Variants in SORCS1 observed in about 807,000 individuals in gnomAD.
SORCS1 encodes VPS10 domain-containing receptor SorCS1.
A neutral mutation model predicts 146.1 loss-of-function variants in SORCS1; 60 were observed. The ratio of observed to expected loss-of-function variants is 0.41; its 90% confidence interval spans 0.33 to 0.51. The LOEUF (loss-of-function observed/expected upper bound fraction) is 0.51. SORCS1 is among the 20% of genes least tolerant of loss of function. SORCS1 has a pLI of 0.21. For missense variants in SORCS1, 1,352 were observed against 1,487.6 expected (o/e 0.91, Z 1.50); for synonymous variants, 637 against 584.0 (o/e 1.09, Z -1.31).
intron 3 of SORCS1, among the ~76,000 whole-genome samples, chr10:106,784,376 CAGAG>C (rs1202521223): frequency 7.2e-6 from 1 of 138,364 alleles, no homozygotes; most frequent in Non-Finnish European, 1.5e-5. Flanking sequence ...GCCTGGGCGA[CAGAG>C]GGAGACTCCG....
chr10:107,138,756 T>G (rs888313620), intron 1 of SORCS1, among the ~76,000 whole-genome samples: 1 of 152,112 alleles, frequency 6.6e-6, no homozygotes, highest in Non-Finnish European at 1.5e-5. Context: ...CCAAATAACA[T>G]ATTTTGAGGA....
At chr10:106,751,638 T>C (rs1858248094) in intron 5 of SORCS1, among the ~76,000 whole-genome samples, 1 of 152,142 alleles carries the variant, frequency 6.6e-6, no homozygotes, top group Non-Finnish European at 1.5e-5. Context: ...ATCTAAAATT[T>C]TCATTCCTTC....
intron 2 of SORCS1, among the ~76,000 whole-genome samples, chr10:106,861,593 T>C (rs1054300900): frequency 6.6e-6 from 1 of 151,784 alleles, no homozygotes; most frequent in Non-Finnish European, 1.5e-5. Flanking sequence ...TTTAAAATGG[T>C]TCAAATACCC....
chr10:106,851,946 T>C (rs1949593664), intron 2 of SORCS1, among the ~76,000 whole-genome samples: 1 of 152,218 alleles, frequency 6.6e-6, no homozygotes, highest in Non-Finnish European at 1.5e-5. Context: ...TATTTTCTTT[T>C]TTGGTATGCT....
chr10:107,023,164 T>C (rs539569261), intron 1 of SORCS1, among the ~76,000 whole-genome samples: 1 of 152,330 alleles, frequency 6.6e-6, no homozygotes, highest in South Asian at 2.1e-4. Context: ...ATGTATGTAA[T>C]TCTAGCCATC....
intron 6 of SORCS1, among the ~76,000 whole-genome samples, chr10:106,727,316 A>C (rs1346986902): frequency 2.6e-5 from 4 of 152,168 alleles, no homozygotes; most frequent in Non-Finnish European, 1.5e-5. Flanking sequence ...ATCTCTCTAC[A>C]TGTAGATGCC....
At chr10:107,103,278 A>G (rs1354372878) in intron 1 of SORCS1, among the ~76,000 whole-genome samples, 1 of 152,260 alleles carries the variant, frequency 6.6e-6, no homozygotes, top group Non-Finnish European at 1.5e-5. Context: ...ACAAAGGAAC[A>G]GAAGCCACGC....
intron 5 of SORCS1, among the ~76,000 whole-genome samples, chr10:106,759,202 C>T (rs1283906751): frequency 2.0e-5 from 3 of 152,122 alleles, no homozygotes; most frequent in Admixed American, 6.5e-5. Flanking sequence ...CTTCGGTGAT[C>T]TATTCTGCCT....
At chr10:106,852,672 C>A (rs184647985) in intron 2 of SORCS1, among the ~76,000 whole-genome samples, 2 of 151,360 alleles carry the variant, frequency 1.3e-5, no homozygotes, top group South Asian at 4.2e-4. Context: ...AGAAATTTCC[C>A]GCTATCCTTA....
chr10:106,924,457 AC>A, intron 2 of SORCS1, among the ~76,000 whole-genome samples: 1 of 142,236 alleles, frequency 7.0e-6, no homozygotes, highest in Admixed American at 7.2e-5. Flanking sequence ...TGAAAATTCC[AC>A]AGTTATCGAT....
intron 1 of SORCS1, among the ~76,000 whole-genome samples, chr10:107,095,181 G>A (rs1964462324): frequency 6.6e-6 from 1 of 152,116 alleles, no homozygotes; most frequent in Admixed American, 6.5e-5. Context: ...GCCAGTCTTG[G>A]GAAAAAATAT....
At chr10:106,834,780 T>A (rs1280100489) in intron 2 of SORCS1, among the ~76,000 whole-genome samples, 1 of 152,248 alleles carries the variant, frequency 6.6e-6, no homozygotes, top group Non-Finnish European at 1.5e-5. Flanking sequence ...GTACCATTTT[T>A]AAAAAATCAT....
chr10:106,987,755 A>C (rs189493432), intron 1 of SORCS1, among the ~76,000 whole-genome samples: 126 of 152,322 alleles, frequency 8.3e-4, no homozygotes, highest in Admixed American at 2.1e-3. Context: ...CCTGGTAATA[A>C]GCTGTTCCAC....
intron 2 of SORCS1, among the ~76,000 whole-genome samples, chr10:106,890,095 T>G (rs1213269680): frequency 6.6e-6 from 1 of 152,108 alleles, no homozygotes; most frequent in East Asian, 1.9e-4. Context: ...ATAGTAAAGT[T>G]ACCGGGATGG....
intron 1 of SORCS1, among the ~76,000 whole-genome samples, chr10:106,985,535 T>G (rs1217002578): frequency 1.3e-5 from 2 of 150,680 alleles, no homozygotes; most frequent in Non-Finnish European, 2.9e-5. Flanking sequence ...TTATTTCACT[T>G]AAGCTTTTTT....
chr10:107,045,763 T>A (rs1959326839), intron 1 of SORCS1, among the ~76,000 whole-genome samples: 1 of 151,624 alleles, frequency 6.6e-6, no homozygotes, highest in African/African-American at 2.4e-5. Flanking sequence ...GTGTGTGTGT[T>A]ATGTGAATAT....
chr10:107,158,941 A>C (rs988234395), intron 1 of SORCS1, among the ~76,000 whole-genome samples: 2 of 143,042 alleles, frequency 1.4e-5, no homozygotes, highest in African/African-American at 5.1e-5. Context: ...ATTCATGTCA[A>C]TGTTCTCTAG....
intron 2 of SORCS1, among the ~76,000 whole-genome samples, chr10:106,910,589 A>G (rs1420504417): frequency 2.0e-5 from 3 of 152,184 alleles, no homozygotes; most frequent in African/African-American, 7.2e-5. Flanking sequence ...ACCGTCGCTC[A>G]CAGAAGGCAA....
At chr10:106,936,260 AC>A (rs1168493382) in intron 2 of SORCS1, among the ~76,000 whole-genome samples, 1 of 152,100 alleles carries the variant, frequency 6.6e-6, no homozygotes, top group Non-Finnish European at 1.5e-5. Flanking sequence ...TCTCATGGGC[AC>A]TCAGTTGCAT....
Sources: allele counts gnomAD v4.1 joint callset (sites outside exome capture counted in the v4.1 genomes callset), GRCh38; gene constraint gnomAD v4.1.1; transcripts MANE v1.5; gene names NCBI Gene and HGNC (gene_info 2026-07-23, HGNC 2026-07-21).